Variants in RBM26 observed in about 807,000 individuals in gnomAD.
RBM26 encodes the protein RNA-binding protein 26.
Under a neutral mutation model 123.6 loss-of-function variants are expected in RBM26, and 30 were observed. That is an observed-to-expected ratio of 0.24 (90% CI 0.18 to 0.33). RBM26 has a LOEUF of 0.33. Among genes scored for constraint, RBM26 ranks in the 10% least tolerant of loss-of-function variants. RBM26 has a pLI of 1.00. For synonymous variants in RBM26, 400 were observed against 404.4 expected (o/e 0.99, Z 0.13); for missense variants, 947 against 1,203.6 (o/e 0.79, Z 3.15).
At chr13:79,357,894 T>A (rs2074216526) in intron 11 of RBM26, among the ~76,000 whole-genome samples, 2 of 151,836 alleles carry the variant, frequency 1.3e-5, no homozygotes, top group African/African-American at 4.8e-5. Flanking sequence ...TTTTTTTTTT[T>A]TTTTTGAGAC....
At chr13:79,380,932 T>C (rs372047443) in intron 1 of RBM26, among the ~76,000 whole-genome samples, 4 of 152,258 alleles carry the variant, frequency 2.6e-5, no homozygotes, top group African/African-American at 9.6e-5. Context: ...AAATTTTTGA[T>C]GTCTGAACTA....
chr13:79,312,937 A>G (rs1029540313), exon 5 of RBM26: 1 of 151,958 alleles, frequency 6.6e-6, no homozygotes, highest in African/African-American at 2.4e-5. Context: ...GTATCATTTT[A>G]AAGTATGATT....
At chr13:79,374,391 A>G (rs1031593071) in intron 3 of RBM26, among the ~76,000 whole-genome samples, 1 of 151,984 alleles carries the variant, frequency 6.6e-6, no homozygotes, top group Admixed American at 6.6e-5. Flanking sequence ...GGAGGCTGAG[A>G]GAGGAGAATT....
chr13:79,355,502 C>T lies in RBM26; in HGVS notation c.1690-118G>A. On this transcript the variant is annotated intron_variant, in intron 11 of 21. Coordinates refer to ENST00000438737, the MANE Select transcript of RBM26 (RefSeq NM_001366735.2). ...CAAGTAAGATTCTGTATTTATACTT[C>T]TTGGTATCTGGATTAGTAGACCACA... 4.1e-6 allele frequency: 3 copies of T among 731,526 alleles called. No individual in the cohort carries two copies. The South Asian group carries it at 5.8e-5, about 14-fold the overall frequency. 45.3% of individuals were successfully genotyped at this position (731,526 alleles called of 1,614,324 possible).
Position 79,320,430 on chromosome 13 carries a change from A to G in RBM26, c.*191T>C. The G allele has an allele frequency of 8.1e-7, 1 of 1,234,588 alleles. No homozygotes were observed. Among genetic ancestry groups the G allele is most frequent in the Non-Finnish European group, 1.0e-6 (1 of 984,272 alleles). The allele number at this position is 1,234,588 out of a possible 1,614,324, so 76.5% of individuals were successfully genotyped here. On this transcript the variant is annotated 3_prime_UTR_variant, in exon 22 of 22. Coordinates refer to ENST00000438737, the MANE Select transcript of RBM26 (RefSeq NM_001366735.2). ...GATGTCTTTAGCAATTGTTTACTGAAGTAAAATGCAAACATCAATCTTTCA... is the reference window on the plus strand; with the variant it reads ...GATGTCTTTAGCAATTGTTTACTGAGGTAAAATGCAAACATCAATCTTTCA...
At chr13:79,384,167 C>A (rs1468407352) in intron 1 of RBM26, among the ~76,000 whole-genome samples, 8 of 151,822 alleles carry the variant, frequency 5.3e-5, no homozygotes, top group Non-Finnish European at 1.0e-4. Context: ...AAGTCATTCA[C>A]ATCAATGATT....
chr13:79,323,735 GCTCCTCAAATCTAT>G (rs2138446232), intron 20 of RBM26, among the ~76,000 whole-genome samples: 1 of 151,736 alleles, frequency 6.6e-6, no homozygotes, highest in African/African-American at 2.4e-5. Context: ...TCAGCACACA[GCTCCTCAAATCTAT>G]AAGATGAGGC....
Position 79,344,760 on chromosome 13 carries a change from A to G in RBM26, c.2093T>C (p.Val698Ala). ...AGCCTTCAAAGCAGCTGGATTATAC[A>G]CTGTTTTTGTTAGGCCAGTAGATGT... Reference protein sequence around the residue: ...LSTSTGLTKTVYNPAALKAAQ... With the variant: ...LSTSTGLTKTAYNPAALKAAQ... The change falls in exon 15 of 22, where the codon GTG becomes GCG. Residue 698 changes from valine to alanine, a missense_variant. By Grantham distance (64) the Val-to-Ala change is moderately conservative. Coordinates refer to ENST00000438737, the MANE Select transcript of RBM26 (RefSeq NM_001366735.2). The G allele has an allele frequency of 6.2e-7, 1 of 1,613,236 alleles. No homozygotes were observed. Among genetic ancestry groups the G allele is most frequent in the East Asian group, 2.2e-5 (1 of 44,790 alleles).
Position 79,354,494 on chromosome 13 carries a change from G to C in RBM26, c.1931C>G (p.Pro644Arg). 1 of 1,607,896 alleles carries C rather than the reference G, an allele frequency of 6.2e-7. No homozygotes were observed. The highest frequency in any genetic ancestry group is 8.5e-7 in the Non-Finnish European group (1 of 1,175,768). The change falls in exon 13 of 22, where the codon CCT becomes CGT. Residue 644 changes from proline (P) to arginine (R), a missense_variant. Physicochemically the swap from Pro to Arg is moderately radical, Grantham distance 103 (BLOSUM62 -2). Transcript: ENST00000438737. The stretch of plus-strand genomic sequence containing the variant: ...TTCTGCAGGTTCAATAGTACTTGAA[G>C]GTACTGGACCCAGCCGCTCTTTGAC... ...QSVKERLGPVPSSTIEPAEAQ... is the reference protein window; with the variant it reads ...QSVKERLGPVRSSTIEPAEAQ...
At chr13:79,355,037 C>A (rs553322446) in intron 12 of RBM26, among the ~76,000 whole-genome samples, 183 bp downstream of exon 12, 1 of 152,278 alleles carries the variant, frequency 6.6e-6, no homozygotes, top group African/African-American at 2.4e-5. Context: ...ATTAACATCA[C>A]AATTATGAGA....
intron 3 of RBM26, among the ~76,000 whole-genome samples, chr13:79,373,159 T>TTATTTA (rs1333109210): frequency 3.3e-3 from 1 of 306 alleles, no homozygotes; most frequent in African/African-American, 0.011. Context: ...ATTTTATGTA[T>TTATTTA]TATATATTTA....
rs148628423 is a variant in RBM26 at position 79,335,181 on chromosome 13, C to T, written c.2734-751G>A. 3.1e-3 allele frequency among the ~76,000 whole-genome samples: 470 copies of T among 152,140 alleles called. 1 individual carries two copies. Among genetic ancestry groups the T allele is most frequent in the Admixed American group, 5.4e-3 (82 of 15,288 alleles). ...TATAACTGTAATCTCATTAGCTCCA[C>T]ACATATCATAGAAATGTTCTGTAGA... On this transcript the variant is annotated intron_variant, in intron 19 of 21. Transcript: ENST00000438737.
At position 79,405,982 on chromosome 13, in the gene RBM26, C is replaced by G. The variant is rs1377888405; in HGVS notation, c.-208G>C. The G allele has an allele frequency of 6.3e-6, 2 of 318,664 alleles. No homozygotes were observed. Among genetic ancestry groups the G allele is most frequent in the African/African-American group, 4.4e-5 (2 of 45,760 alleles). The allele number at this position is 318,664 out of a possible 1,614,324, so 19.7% of individuals were successfully genotyped here. On this transcript the variant is annotated 5_prime_UTR_variant, in exon 1 of 22. Transcript: ENST00000438737. ...AGTGCACGGGGTGCCAGGAGCTCCC[C>G]GTCCCCGGCCCCCAGCCCGGGCTGA...
intron 9 of RBM26, among the ~76,000 whole-genome samples, chr13:79,360,804 G>A (rs2074590114): frequency 6.6e-6 from 1 of 152,122 alleles, no homozygotes; most frequent in South Asian, 2.1e-4. Context: ...GGCATGTAAT[G>A]AGCATAGTAC....
At chr13:79,377,093 C>T (rs2076721474) in intron 3 of RBM26, 1 of 268,670 alleles carries the variant, frequency 3.7e-6, no homozygotes, top group African/African-American at 2.2e-5. Context: ...GAATTAAGCA[C>T]ATCCTGTGCA....
At chr13:79,375,035 ATTTTT>A (rs36014800) in intron 3 of RBM26, among the ~76,000 whole-genome samples, 2 of 137,034 alleles carry the variant, frequency 1.5e-5, no homozygotes, top group African/African-American at 5.4e-5. Context: ...TATTTTATAC[ATTTTT>A]TATATACTAT....
At chr13:79,354,835 T>A (rs1446453644) in intron 12 of RBM26, among the ~76,000 whole-genome samples, 1 of 152,122 alleles carries the variant, frequency 6.6e-6, no homozygotes, top group Non-Finnish European at 1.5e-5. Context: ...TATACCTCTA[T>A]AAACACTCTA....
chr13:79,392,016 A>ACAATG (rs2078052618), intron 1 of RBM26, among the ~76,000 whole-genome samples: 1 of 91,366 alleles, frequency 1.1e-5, no homozygotes, highest in Non-Finnish European at 2.6e-5. Flanking sequence ...TATATATTAT[A>ACAATG]CATTATTATA....
intron 18 of RBM26, among the ~76,000 whole-genome samples, chr13:79,339,512 T>C (rs954510720): frequency 2.0e-5 from 3 of 152,150 alleles, no homozygotes; most frequent in Non-Finnish European, 4.4e-5. Context: ...TCAAAACATT[T>C]TGGATTATCA....
Sources: gnomAD v4.1 joint callset for allele counts (sites outside exome capture counted in the v4.1 genomes callset) on GRCh38, gnomAD v4.1.1 for gene constraint, MANE v1.5 for transcripts, NCBI Gene and HGNC (gene_info 2026-07-23, HGNC 2026-07-21) for gene names.